Variants in INPP4B observed in about 807,000 individuals in gnomAD.
INPP4B encodes the protein inositol polyphosphate 4-phosphatase type II.
INPP4B carries 55 observed loss-of-function variants against 122.5 expected under a neutral mutation model. The ratio of observed to expected loss-of-function variants is 0.45; its 90% CI spans 0.36 to 0.56. INPP4B has a LOEUF of 0.56. Among genes scored for constraint, INPP4B ranks in the 20% least tolerant of loss-of-function variants. INPP4B has a pLI of 0.00. For synonymous variants in INPP4B, 403 were observed against 388.7 expected (o/e 1.04, Z -0.43); for missense variants, 1,000 against 1,097.7 (o/e 0.91, Z 1.26).
chr4:142,837,401 A>G (rs1782930972), intron 1 of INPP4B, among the ~76,000 whole-genome samples: 1 of 152,144 alleles, frequency 6.6e-6, no homozygotes, highest in Non-Finnish European at 1.5e-5. Flanking sequence ...TAGACTTCTG[A>G]GTAAAATCAA....
intron 2 of INPP4B, among the ~76,000 whole-genome samples, chr4:142,544,436 T>G (rs1829317479): frequency 6.6e-6 from 1 of 152,072 alleles, no homozygotes; most frequent in Non-Finnish European, 1.5e-5. Context: ...GCTGAGCTGG[T>G]TGCTGCAGCT....
At chr4:142,643,154 T>C (rs1029145584) in intron 2 of INPP4B, among the ~76,000 whole-genome samples, 4 of 152,152 alleles carry the variant, frequency 2.6e-5, no homozygotes, top group Non-Finnish European at 5.9e-5. Context: ...CTTATCAGCT[T>C]AAGGAGATTT....
chr4:142,109,983 A>C (rs1789182729), intron 22 of INPP4B, among the ~76,000 whole-genome samples: 2 of 152,150 alleles, frequency 1.3e-5, no homozygotes, highest in Non-Finnish European at 2.9e-5. Flanking sequence ...GTTTCCATAG[A>C]ATCTGAAATA....
At chr4:142,142,796 G>T (rs532718902) in intron 18 of INPP4B, among the ~76,000 whole-genome samples, 1 of 152,170 alleles carries the variant, frequency 6.6e-6, no homozygotes, top group South Asian at 2.1e-4. Context: ...CACAAGGAAT[G>T]ATAAACGTTT....
intron 2 of INPP4B, among the ~76,000 whole-genome samples, chr4:142,495,811 C>T (rs1822478294): frequency 6.6e-6 from 1 of 152,116 alleles, no homozygotes. Context: ...GCTATGTGTT[C>T]TCTGATTTTG....
intron 11 of INPP4B, among the ~76,000 whole-genome samples, chr4:142,254,259 C>T (rs530776095): frequency 3.3e-5 from 5 of 151,468 alleles, no homozygotes; most frequent in Non-Finnish European, 7.4e-5. Flanking sequence ...GGGGAAAAAG[C>T]AGAGCAGAAA....
intron 2 of INPP4B, among the ~76,000 whole-genome samples, chr4:142,692,149 C>T (rs182095957): frequency 2.6e-4 from 40 of 152,168 alleles, no homozygotes; most frequent in African/African-American, 9.6e-4. Context: ...ACTTTGCCCT[C>T]TGAAGTTTCA....
chr4:142,039,552 C>A (rs934497863), intron 25 of INPP4B, among the ~76,000 whole-genome samples: 1 of 150,762 alleles, frequency 6.6e-6, no homozygotes, highest in Non-Finnish European at 1.5e-5. Context: ...AACTCAAGAA[C>A]AGTTAGGAAA....
chr4:142,129,317 TA>T (rs1322008602), intron 18 of INPP4B, among the ~76,000 whole-genome samples: 1 of 152,186 alleles, frequency 6.6e-6, no homozygotes, highest in Non-Finnish European at 1.5e-5. Flanking sequence ...TTCCTGCTTA[TA>T]AAATTTTTGT....
intron 2 of INPP4B, among the ~76,000 whole-genome samples, chr4:142,567,858 C>A (rs902029275): frequency 6.6e-6 from 1 of 151,978 alleles, no homozygotes; most frequent in Non-Finnish European, 1.5e-5. Context: ...AAAAAGAAAA[C>A]CATTTCCAAT....
At chr4:142,242,894 G>A (rs920042300) in intron 11 of INPP4B, among the ~76,000 whole-genome samples, 1 of 152,114 alleles carries the variant, frequency 6.6e-6, no homozygotes, top group African/African-American at 2.4e-5. Context: ...GGGGAGTGGT[G>A]GAGAGAGCTG....
chr4:142,376,166 G>A (rs1791767020), intron 7 of INPP4B, among the ~76,000 whole-genome samples: 1 of 151,956 alleles, frequency 6.6e-6, no homozygotes, highest in Non-Finnish European at 1.5e-5. Context: ...AGTAAATTGT[G>A]ACACAACTGA....
At chr4:142,668,801 C>A (rs1166816432) in intron 2 of INPP4B, among the ~76,000 whole-genome samples, 1 of 152,012 alleles carries the variant, frequency 6.6e-6, no homozygotes, top group African/African-American at 2.4e-5. Flanking sequence ...GTAATCCCAG[C>A]ACTTTGGGAG....
intron 1 of INPP4B, among the ~76,000 whole-genome samples, chr4:142,825,294 G>A (rs941665819): frequency 6.6e-6 from 1 of 152,118 alleles, no homozygotes; most frequent in Admixed American, 6.6e-5. Flanking sequence ...ATGTCCAGAA[G>A]AGTTCCCATT....
chr4:142,459,183 AG>A (rs1322676723), intron 3 of INPP4B, among the ~76,000 whole-genome samples: 4 of 151,948 alleles, frequency 2.6e-5, no homozygotes, highest in Admixed American at 1.3e-4. Flanking sequence ...AGAGGATAGA[AG>A]GAAAGAGGCA....
In INPP4B at chr4:142,028,846, T is replaced by C; in HGVS notation, c.2711A>G (p.Gln904Arg). The C allele has an allele frequency of 6.2e-7, 1 of 1,613,634 alleles. No homozygotes were observed. Among genetic ancestry groups the C allele is most frequent in the Non-Finnish European group, 8.5e-7 (1 of 1,179,702 alleles). The part of the protein sequence containing the change: ...KCRKYAFNML[Q>R]LMAFPKYYRP... ...GTAGTACTTGGGGAAAGCCATCAGC[T>C]GTAGCATGTTGAAAGCATACTTTCT... is the stretch of plus-strand genomic sequence containing the variant. The change falls in exon 26 of 26, where the codon CAG (glutamine) becomes CGG (arginine). Residue 904 changes from glutamine (Q) to arginine (R), a missense_variant. Gln to Arg is a conservative substitution (Grantham distance 43, BLOSUM62 1). Coordinates refer to ENST00000262992, the MANE Select transcript of INPP4B (RefSeq NM_001101669.3).
chr4:142,715,671 C>A (rs1221237930), intron 2 of INPP4B, among the ~76,000 whole-genome samples: 1 of 152,144 alleles, frequency 6.6e-6, no homozygotes, highest in Non-Finnish European at 1.5e-5. Flanking sequence ...GAAGAGAGCC[C>A]TGGGAAGGAG....
At chr4:142,250,318 T>A (rs1449885508) in intron 11 of INPP4B, among the ~76,000 whole-genome samples, 2 of 152,174 alleles carry the variant, frequency 1.3e-5, no homozygotes, top group East Asian at 3.9e-4. Context: ...TATACCAAAA[T>A]CGCTAGAGAT....
At chr4:142,399,412 G>A (rs1468422104) in intron 7 of INPP4B, among the ~76,000 whole-genome samples, 1 of 151,820 alleles carries the variant, frequency 6.6e-6, no homozygotes, top group Non-Finnish European at 1.5e-5. Context: ...GGCTAGGATG[G>A]TCTCAATCTC....
Sources: gnomAD v4.1 joint callset for allele counts (sites outside exome capture counted in the v4.1 genomes callset) on GRCh38, gnomAD v4.1.1 for gene constraint, MANE v1.5 for transcripts, NCBI Gene and HGNC (gene_info 2026-07-23, HGNC 2026-07-21) for gene names.